The following WDR41 variants were observed in gnomAD, a reference collection of about 807,000 sequenced individuals.
The protein encoded by WDR41 is WD repeat-containing protein 41.
Under a neutral mutation model 69.3 loss-of-function variants are expected in WDR41, and 63 were observed. That is an observed-to-expected ratio of 0.91 (90% CI 0.74 to 1.12). The LOEUF (loss-of-function observed/expected upper bound fraction) is 1.12, where lower values mean the gene tolerates loss of function less well. Ranked by LOEUF, WDR41 falls within the 50% of genes most tolerant of loss-of-function variation. The pLI, the probability that WDR41 is intolerant of heterozygous loss-of-function variation, is 0.00. For synonymous variants in WDR41, 185 were observed against 192.1 expected, an observed-to-expected ratio of 0.96 and a Z score of 0.31; for missense variants, 543 against 534.5, an observed-to-expected ratio of 1.02 and a Z score of -0.16.
upstream of WDR41, among the ~76,000 whole-genome samples, chr5:77,493,008 C>G (rs1252245589): frequency 6.6e-6 from 1 of 152,070 alleles, no homozygotes; most frequent in East Asian, 1.9e-4. Flanking sequence ...GTTCATATAC[C>G]TTTTTTTGAC....
At chr5:77,510,385 A>C (rs1049410728) in intron 1 of WDR41, among the ~76,000 whole-genome samples, 7 of 152,330 alleles carry the variant, frequency 4.6e-5, no homozygotes, top group Admixed American at 4.6e-4. Context: ...GGGAGCTACA[A>C]GATGAGATTT....
In WDR41 at chr5:77,558,840, T is replaced by A. The variant is rs559857156; in HGVS notation, c.42+61639A>T. On this transcript the variant is annotated intron_variant, in intron 1 of 5. Transcript: ENST00000509971. The stretch of plus-strand genomic sequence containing the variant: ...TGAATTGTTTAGAAAATTATGAATA[T>A]GTGATTACTTTCATCCTTTCAAAAT... Among the ~76,000 whole-genome samples the A allele has an allele frequency of 2.6e-5, 4 of 152,222 alleles. No homozygotes were observed. The South Asian group carries it at 8.3e-4, about 32-fold the overall frequency.
Position 77,503,707 on chromosome 5 carries a change from T to G in WDR41, c.43-14135A>C, listed in dbSNP as rs371969076. ...GACCACAGTGCAATCAAATTAGAAC[T>G]CAGGATTAAGAAACTCACTCAAAAC... On this transcript the variant is annotated intron_variant, in intron 1 of 5. Transcript: ENST00000509971. Among the ~76,000 whole-genome samples the G allele has an allele frequency of 1.6e-4, 24 of 152,262 alleles. No homozygotes were observed. The East Asian group carries it at 3.7e-3, about 23-fold the overall frequency.
At chr5:77,574,956 A>G (rs1431809255) in intron 1 of WDR41, among the ~76,000 whole-genome samples, 1 of 152,238 alleles carries the variant, frequency 6.6e-6, no homozygotes, top group Non-Finnish European at 1.5e-5. Context: ...AAAATTATGC[A>G]CAACTAGAAA....
At position 77,521,034 on chromosome 5, in the gene WDR41, C is replaced by A. The variant is rs549011623; in HGVS notation, c.43-31462G>T. On this transcript the variant is annotated intron_variant, in intron 1 of 5. Transcript: ENST00000509971. Reference sequence around the variant, plus strand: ...CCTATATGCCAGGAGACTGGCAACCCAAATAAGTCTCGCCCAAATAAGTTG... The same window carrying A: ...CCTATATGCCAGGAGACTGGCAACCAAAATAAGTCTCGCCCAAATAAGTTG... Among the ~76,000 whole-genome samples, 7 of 152,262 alleles carry A rather than the reference C, an allele frequency of 4.6e-5. No homozygotes were observed. In the East Asian group the frequency reaches 1.4e-3, roughly 29 times the overall value.
intron 6 of WDR41, 83 bp from the exon 7 acceptor site, chr5:77,451,436 G>C: frequency 1.5e-6 from 2 of 1,302,330 alleles, no homozygotes; most frequent in South Asian, 2.5e-5. Context: ...TTTTATGTCA[G>C]TCGTTTTCCA....
At chr5:77,542,960 A>C (rs1743119491) in intron 1 of WDR41, among the ~76,000 whole-genome samples, 1 of 152,238 alleles carries the variant, frequency 6.6e-6, no homozygotes, top group South Asian at 2.1e-4. Flanking sequence ...AGAGACCCAC[A>C]GACAGTTCAC....
chr5:77,489,701 G>A (rs2112118006), intron 1 of WDR41, 129 bp from the exon 2 acceptor site: 1 of 476,888 alleles, frequency 2.1e-6, no homozygotes, highest in Non-Finnish European at 3.7e-6. Context: ...AAGCCTTAAG[G>A]TATCATGTTC....
intron 1 of WDR41, among the ~76,000 whole-genome samples, chr5:77,557,184 A>G (rs568730739): frequency 1.2e-3 from 184 of 152,230 alleles, no homozygotes; most frequent in Non-Finnish European, 2.4e-3. Context: ...TTTACTAGAC[A>G]TAGCACAGAA....
chr5:77,615,998 AAAATAAAT>A (rs76996412), intron 1 of WDR41, among the ~76,000 whole-genome samples: 47,476 of 151,188 alleles, frequency 0.31, 7,994 homozygotes, highest in Non-Finnish European at 0.37. Flanking sequence ...GTCTCAAAGA[AAAATAAAT>A]AAATAAATAA....
chr5:77,490,552 T>C (rs1186777578), intron 1 of WDR41, among the ~76,000 whole-genome samples: 1 of 151,380 alleles, frequency 6.6e-6, no homozygotes, highest in African/African-American at 2.4e-5. Flanking sequence ...TAGATTTATA[T>C]GAAGAAATAT....
chr5:77,500,370 G>A (rs1332164833), intron 1 of WDR41, among the ~76,000 whole-genome samples: 1 of 151,972 alleles, frequency 6.6e-6, no homozygotes, highest in Non-Finnish European at 1.5e-5. Flanking sequence ...GAACTTAAAT[G>A]GAGAAAATCA....
intron 11 of WDR41, among the ~76,000 whole-genome samples, chr5:77,436,816 A>G (rs1211098660): frequency 6.6e-6 from 1 of 152,206 alleles, no homozygotes; most frequent in Non-Finnish European, 1.5e-5. Flanking sequence ...ACAACTAGGT[A>G]CCAGCATCTG....
At chr5:77,596,632 G>A (rs1191533544) in intron 1 of WDR41, among the ~76,000 whole-genome samples, 3 of 151,938 alleles carry the variant, frequency 2.0e-5, no homozygotes, top group Non-Finnish European at 4.4e-5. Flanking sequence ...AAGTAGCTGG[G>A]GTTACAGGTA....
At chr5:77,591,922 T>C (rs1744144020) in intron 1 of WDR41, among the ~76,000 whole-genome samples, 1 of 152,176 alleles carries the variant, frequency 6.6e-6, no homozygotes, top group Non-Finnish European at 1.5e-5. Context: ...AAATCTTTTA[T>C]ATTTCTACTT....
intron 1 of WDR41, among the ~76,000 whole-genome samples, chr5:77,563,470 C>T (rs1743561780): frequency 6.6e-6 from 1 of 152,150 alleles, no homozygotes; most frequent in Admixed American, 6.6e-5. Flanking sequence ...CAGTGTAAGT[C>T]ACAGGATATA....
At chr5:77,506,309 A>T (rs1367736700) in intron 1 of WDR41, among the ~76,000 whole-genome samples, 1 of 152,244 alleles carries the variant, frequency 6.6e-6, no homozygotes, top group Non-Finnish European at 1.5e-5. Flanking sequence ...ACTGGTCATC[A>T]GAGAAATTCA....
intron 8 of WDR41, among the ~76,000 whole-genome samples, chr5:77,448,129 G>T (rs1561734151): frequency 6.6e-6 from 1 of 152,112 alleles, no homozygotes; most frequent in Non-Finnish European, 1.5e-5. Context: ...TGCTGGCTCA[G>T]TGGTGCCAGT....
intron 1 of WDR41, among the ~76,000 whole-genome samples, chr5:77,583,650 T>C (rs1277228578): frequency 5.3e-5 from 8 of 152,100 alleles, no homozygotes; most frequent in Non-Finnish European, 1.0e-4. Flanking sequence ...ACAGTGAAAC[T>C]CCCAGGCCCA....
Sources: gnomAD v4.1 joint callset for allele counts (sites outside exome capture counted in the v4.1 genomes callset) on GRCh38, gnomAD v4.1.1 for gene constraint, MANE v1.5 for transcripts, NCBI Gene and HGNC (gene_info 2026-07-23, HGNC 2026-07-21) for gene names.